The following RBFOX1 variants were observed in gnomAD, a reference collection of about 807,000 sequenced individuals.
RBFOX1 encodes RNA binding protein fox-1 homolog 1.
RBFOX1 carries 8 observed loss-of-function variants against 57.7 expected under a neutral mutation model. That is an observed-to-expected ratio of 0.14 (90% confidence interval 0.08 to 0.25). The LOEUF is 0.25. Among genes scored for constraint, RBFOX1 ranks in the 10% least tolerant of loss-of-function variants. The pLI, the probability that RBFOX1 is intolerant of heterozygous loss-of-function variation, is 1.00. For synonymous variants in RBFOX1, 326 were observed against 222.4 expected, an observed-to-expected ratio of 1.47 and a Z score of -4.15; for missense variants, 611 against 548.5, an observed-to-expected ratio of 1.11 and a Z score of -1.14.
intron 4 of RBFOX1, among the ~76,000 whole-genome samples, chr16:7,163,218 G>T (rs530014763): frequency 6.6e-6 from 1 of 152,148 alleles, no homozygotes; most frequent in East Asian, 1.9e-4. Flanking sequence ...AAAGCAGGGG[G>T]AGTCTACTGG....
rs908401509 is a variant in RBFOX1, at chr16:6,718,725, C to T, written c.-16+64075C>T. Reference sequence around the variant, plus strand: ...TCTGGTTGTTGAAAAGTGTGTACCACTCACTGAAGGTAACCATAGTAACAG... The same window carrying T: ...TCTGGTTGTTGAAAAGTGTGTACCATTCACTGAAGGTAACCATAGTAACAG... On this transcript the variant is annotated intron_variant, in intron 3 of 15. Coordinates refer to ENST00000550418, the MANE Select transcript of RBFOX1 (RefSeq NM_018723.4). 3.3e-5 allele frequency among the ~76,000 whole-genome samples: 5 copies of T among 152,322 alleles called. 1 individual carries two copies. In the East Asian group the frequency reaches 9.6e-4, roughly 29 times the overall value.
chr16:6,766,382 T>C (rs778488237), intron 3 of RBFOX1, among the ~76,000 whole-genome samples: 5 of 152,104 alleles, frequency 3.3e-5, no homozygotes, highest in Non-Finnish European at 5.9e-5. Flanking sequence ...GTTTTTTCAT[T>C]GTAAATATTA....
intron 1 of RBFOX1, among the ~76,000 whole-genome samples, chr16:6,257,306 C>G (rs954074403): frequency 2.0e-5 from 3 of 152,088 alleles, no homozygotes; most frequent in African/African-American, 7.2e-5. Flanking sequence ...TAAAAATGGC[C>G]CCTCAGCCAA....
chr16:5,352,454 A>G (rs982823849), intron 1 of RBFOX1, among the ~76,000 whole-genome samples: 8 of 152,134 alleles, frequency 5.3e-5, no homozygotes, highest in Non-Finnish European at 8.8e-5. Context: ...GTTGTCAAAC[A>G]TTTTCTTTCG....
chr16:7,534,117 A>G (rs1601141960), intron 5 of RBFOX1, among the ~76,000 whole-genome samples: 1 of 112,102 alleles, frequency 8.9e-6, no homozygotes, highest in African/African-American at 3.1e-5. Flanking sequence ...ATGCAGTTTC[A>G]CTCTTGTTGC....
In RBFOX1 at chr16:7,702,117, A is replaced by G. The variant is rs143528208; in HGVS notation, c.996-6939A>G. On this transcript the variant is annotated intron_variant, in intron 14 of 15. Coordinates refer to ENST00000550418, the MANE Select transcript of RBFOX1 (RefSeq NM_018723.4). ...CATAATTACCCCAACATTTTCTCAA[A>G]TGGATGCGCACTGGGATTAGCCCAG... Among the ~76,000 whole-genome samples the G allele has an allele frequency of 2.8e-3, 434 of 152,306 alleles. 2 individuals carry two copies. Among genetic ancestry groups the G allele is most frequent in the African/African-American group, 9.9e-3 (410 of 41,572 alleles).
intron 4 of RBFOX1, among the ~76,000 whole-genome samples, chr16:7,250,590 C>G (rs1310212313): frequency 6.6e-6 from 1 of 152,186 alleles, no homozygotes; most frequent in Non-Finnish European, 1.5e-5. Context: ...GTATATACCC[C>G]AGGGACGGGG....
chr16:6,428,862 T>C (rs559017015), intron 2 of RBFOX1, among the ~76,000 whole-genome samples: 1 of 152,338 alleles, frequency 6.6e-6, no homozygotes, highest in African/African-American at 2.4e-5. Flanking sequence ...GAGGCTGTGA[T>C]TGTTTGTTTT....
At chr16:6,820,792 T>C (rs2091156609) in intron 3 of RBFOX1, among the ~76,000 whole-genome samples, 1 of 152,202 alleles carries the variant, frequency 6.6e-6, no homozygotes, top group Admixed American at 6.5e-5. Context: ...GCAAAAGGCC[T>C]GTGAATGAGC....
chr16:6,303,294 AGATAATAAGGTGCTCTG>A (rs1207938691), intron 1 of RBFOX1, among the ~76,000 whole-genome samples: 2 of 152,144 alleles, frequency 1.3e-5, no homozygotes, highest in African/African-American at 4.8e-5. Flanking sequence ...GAATTAAATA[AGATAATAAGGTGCTCTG>A]GAGTCCAGTA....
At chr16:6,277,413 C>T (rs1003262990) in intron 1 of RBFOX1, among the ~76,000 whole-genome samples, 48 of 140,216 alleles carry the variant, frequency 3.4e-4, no homozygotes, top group Non-Finnish European at 6.3e-4. Flanking sequence ...ACCGTGATCG[C>T]AGCGCTGCAC....
intron 3 of RBFOX1, among the ~76,000 whole-genome samples, chr16:6,664,464 A>G (rs62017892): frequency 0.07 from 10,665 of 152,216 alleles, 433 homozygotes; most frequent in African/African-American, 0.094. Flanking sequence ...GATCTGCCTC[A>G]GCTCCTTTGC....
At position 6,302,957 on chromosome 16, in the gene RBFOX1, C is replaced by A. The variant is rs181444356; in HGVS notation, c.-126-14038C>A. Among the ~76,000 whole-genome samples the A allele has an allele frequency of 2.2e-4, 33 of 152,286 alleles. 1 individual carries two copies. The South Asian group carries it at 4.1e-3, about 19-fold the overall frequency. On this transcript the variant is annotated intron_variant, in intron 1 of 15. Transcript: ENST00000550418. ...GAAAAAATGATATTATCAGTGAAGG[C>A]ACTTCACATATTTTATGTGGGGGTG...
At chr16:6,475,844 A>G (rs1025615170) in intron 2 of RBFOX1, among the ~76,000 whole-genome samples, 3 of 152,234 alleles carry the variant, frequency 2.0e-5, no homozygotes, top group Non-Finnish European at 4.4e-5. Flanking sequence ...GGTCATTACC[A>G]TAACTTCTAG....
At chr16:6,867,817 T>C (rs2060201575) in intron 3 of RBFOX1, among the ~76,000 whole-genome samples, 1 of 152,210 alleles carries the variant, frequency 6.6e-6, no homozygotes, top group South Asian at 2.1e-4. Context: ...TATCCCTTGA[T>C]CCTGGTGTAA....
chr16:7,690,526 A>T (rs1361666864), intron 14 of RBFOX1, among the ~76,000 whole-genome samples: 1 of 152,098 alleles, frequency 6.6e-6, no homozygotes, highest in East Asian at 1.9e-4. Context: ...AATCAGGTGC[A>T]TTTTGAAGTT....
intron 3 of RBFOX1, among the ~76,000 whole-genome samples, chr16:5,834,706 G>C (rs1567604107): frequency 7.9e-6 from 1 of 126,072 alleles, no homozygotes; most frequent in Non-Finnish European, 1.6e-5. Flanking sequence ...TAGATAGATA[G>C]ATAGATAGAT....
At chr16:5,744,308 C>A (rs1267713872) in intron 3 of RBFOX1, among the ~76,000 whole-genome samples, 1 of 152,154 alleles carries the variant, frequency 6.6e-6, no homozygotes, top group African/African-American at 2.4e-5. Flanking sequence ...GAACCCGTTT[C>A]CTTTGCTGTC....
chr16:6,107,831 G>T (rs1300857447), intron 1 of RBFOX1, among the ~76,000 whole-genome samples: 2 of 152,038 alleles, frequency 1.3e-5, no homozygotes, highest in Non-Finnish European at 2.9e-5. Flanking sequence ...ACCTTACTTT[G>T]AGCACTGAGA....
Sources: gnomAD v4.1 joint callset for allele counts (sites outside exome capture counted in the v4.1 genomes callset) on GRCh38, gnomAD v4.1.1 for gene constraint, MANE v1.5 for transcripts, NCBI Gene and HGNC (gene_info 2026-07-23, HGNC 2026-07-21) for gene names.